NEGR1: variants seen among roughly 807,000 people sequenced by gnomAD.
NEGR1 encodes IgLON family member 4.
Under a neutral mutation model 40.9 loss-of-function variants are expected in NEGR1, and 10 were observed. That is an observed-to-expected ratio of 0.24 (90% CI 0.15 to 0.42). The LOEUF (loss-of-function observed/expected upper bound fraction) is 0.42, where lower values mean the gene tolerates loss of function less well. Ranked by LOEUF, NEGR1 falls within the 10% of genes least tolerant of loss-of-function variation. The pLI is 1.00. For missense variants in NEGR1, 352 were observed against 438.9 expected, an observed-to-expected ratio of 0.80 and a Z score of 1.77; for synonymous variants, 185 against 166.8, an observed-to-expected ratio of 1.11 and a Z score of -0.84.
intron 2 of NEGR1, among the ~76,000 whole-genome samples, chr1:71,920,862 T>C (rs1645710776): frequency 6.6e-6 from 1 of 152,182 alleles, no homozygotes; most frequent in African/African-American, 2.4e-5. Flanking sequence ...CTCTACAGCC[T>C]CTCTGTAAGT....
chr1:72,282,330 C>G lies in NEGR1; in HGVS notation c.165G>C (p.Thr55=), dbSNP rs1270904112. ...VDNMMVRKGD[T]AVLRCYLEDG... Reference sequence around the variant, plus strand: ...GCCGTTCTTCCTACCTAAGCACCGCCGTGTCCCCTTTTCTGACCATCATGT... The same window carrying G: ...GCCGTTCTTCCTACCTAAGCACCGCGGTGTCCCCTTTTCTGACCATCATGT... The change falls in exon 1 of 7, where the codon ACG becomes ACC. Residue 55 remains threonine (T), a synonymous_variant. Transcript: ENST00000357731. 2 of 1,614,066 alleles carry G rather than the reference C, an allele frequency of 1.2e-6. No individual in the cohort carries two copies. The highest frequency in any genetic ancestry group is 8.5e-7 in the Non-Finnish European group (1 of 1,179,968).
chr1:72,236,283 G>T (rs898568306), intron 1 of NEGR1, among the ~76,000 whole-genome samples: 1 of 151,954 alleles, frequency 6.6e-6, no homozygotes, highest in Non-Finnish European at 1.5e-5. Context: ...GGACTTTTGA[G>T]GGGTGGGGAG....
At chr1:72,208,764 T>C (rs558991392) in intron 1 of NEGR1, among the ~76,000 whole-genome samples, 1 of 151,852 alleles carries the variant, frequency 6.6e-6, no homozygotes, top group South Asian at 2.1e-4. Flanking sequence ...TTAAAGAGTT[T>C]ATTTAGGCTA....
chr1:71,714,152 GGA>G (rs1557624456), intron 3 of NEGR1, among the ~76,000 whole-genome samples: 1 of 152,262 alleles, frequency 6.6e-6, no homozygotes, highest in East Asian at 1.9e-4. Flanking sequence ...CAGGGAGGAA[GGA>G]GAGAGAATGA....
intron 6 of NEGR1, among the ~76,000 whole-genome samples, chr1:71,538,650 C>A (rs961412886): frequency 1.3e-5 from 2 of 151,658 alleles, no homozygotes; most frequent in Admixed American, 1.3e-4. Context: ...TTACTTTTCA[C>A]CTTTATGAGA....
chr1:71,848,511 A>G (rs1659495398), intron 2 of NEGR1, among the ~76,000 whole-genome samples: 1 of 152,202 alleles, frequency 6.6e-6, no homozygotes, highest in African/African-American at 2.4e-5. Context: ...TGCTAAATCT[A>G]TACCACCTGT....
At chr1:71,538,072 C>T (rs1320783334) in intron 6 of NEGR1, among the ~76,000 whole-genome samples, 1 of 151,604 alleles carries the variant, frequency 6.6e-6, no homozygotes, top group Non-Finnish European at 1.5e-5. Context: ...TTCACCAAGA[C>T]AGACATTTTC....
At chr1:71,595,841 T>G (rs937977796) in intron 5 of NEGR1, among the ~76,000 whole-genome samples, 1 of 152,276 alleles carries the variant, frequency 6.6e-6, no homozygotes, top group South Asian at 2.1e-4. Flanking sequence ...ATGACCCTAA[T>G]GTGATTCACT....
intron 1 of NEGR1, among the ~76,000 whole-genome samples, chr1:72,070,437 G>GA (rs1410935493): frequency 5.3e-5 from 8 of 151,826 alleles, no homozygotes; most frequent in Non-Finnish European, 8.8e-5. Context: ...GTAATTTGGT[G>GA]AAAAAAGTTT....
rs189281783 is a variant in NEGR1 at position 72,184,311 on chromosome 1, A to G, written c.176+98008T>C. Reference sequence around the variant, plus strand: ...GCAACAAAGAGGGTGTTCAGACTGCAGAACGCAGAAGATATTTGCAAGTAG... The same window carrying G: ...GCAACAAAGAGGGTGTTCAGACTGCGGAACGCAGAAGATATTTGCAAGTAG... On this transcript the variant is annotated intron_variant, in intron 1 of 6. Transcript: ENST00000357731. Among the ~76,000 whole-genome samples the G allele has an allele frequency of 1.1e-3, 162 of 152,284 alleles. 1 individual carries two copies. Among genetic ancestry groups the G allele is most frequent in the Admixed American group, 4.8e-3 (74 of 15,264 alleles).
intron 6 of NEGR1, among the ~76,000 whole-genome samples, chr1:71,549,151 C>A (rs1647994825): frequency 6.6e-6 from 1 of 151,658 alleles, no homozygotes; most frequent in African/African-American, 2.4e-5. Context: ...TTATGCTAAG[C>A]AATTCAAATA....
At chr1:72,088,808 T>A (rs1018100283) in intron 1 of NEGR1, among the ~76,000 whole-genome samples, 20 of 137,890 alleles carry the variant, frequency 1.5e-4, no homozygotes, top group Non-Finnish European at 2.5e-4. Context: ...TTTTTTTTTT[T>A]TTTTTTTTTT....
intron 6 of NEGR1, among the ~76,000 whole-genome samples, chr1:71,493,399 T>C (rs1406671934): frequency 1.3e-5 from 2 of 152,180 alleles, no homozygotes; most frequent in Non-Finnish European, 2.9e-5. Flanking sequence ...ATTTGTAGAT[T>C]ATTTTAATTG....
chr1:72,189,519 T>C (rs1304837851), intron 1 of NEGR1, among the ~76,000 whole-genome samples: 3 of 151,520 alleles, frequency 2.0e-5, no homozygotes, highest in Non-Finnish European at 4.4e-5. Context: ...CCTCACTGTA[T>C]ATATGTCTTT....
intron 4 of NEGR1, among the ~76,000 whole-genome samples, chr1:71,617,919 A>G (rs1262492554): frequency 6.6e-6 from 1 of 152,194 alleles, no homozygotes; most frequent in East Asian, 1.9e-4. Context: ...CAATGGCAGC[A>G]CATTTCAGTG....
intron 1 of NEGR1, among the ~76,000 whole-genome samples, chr1:72,142,525 T>TGATAGATAGATAGATA (rs57515875): frequency 7.4e-4 from 109 of 146,600 alleles, no homozygotes; most frequent in Middle Eastern, 3.5e-3. Flanking sequence ...CCTAGATAGA[T>TGATAGATAGATAGATA]GATAGATAGA....
chr1:71,505,583 CT>C (rs1407842999), intron 6 of NEGR1, among the ~76,000 whole-genome samples: 1 of 152,164 alleles, frequency 6.6e-6, no homozygotes, highest in African/African-American at 2.4e-5. Flanking sequence ...GCCCGGCCCC[CT>C]ACACCCTCTT....
At chr1:71,888,276 G>A (rs964034057) in intron 2 of NEGR1, among the ~76,000 whole-genome samples, 15 of 151,742 alleles carry the variant, frequency 9.9e-5, no homozygotes, top group African/African-American at 2.6e-4. Flanking sequence ...CGCAGAAGAC[G>A]GGTGATTTCT....
intron 2 of NEGR1, among the ~76,000 whole-genome samples, chr1:71,815,095 A>G (rs534245921): frequency 8.6e-5 from 13 of 152,034 alleles, no homozygotes; most frequent in African/African-American, 3.1e-4. Context: ...CAGATATTCC[A>G]GTATGTTGTC....
Sources: gnomAD v4.1 joint callset for allele counts (sites outside exome capture counted in the v4.1 genomes callset) on GRCh38, gnomAD v4.1.1 for gene constraint, MANE v1.5 for transcripts, NCBI Gene and HGNC (gene_info 2026-07-23, HGNC 2026-07-21) for gene names.